The following TRPC4 variants were observed in gnomAD, a reference collection of about 807,000 sequenced individuals.
TRPC4 encodes transient receptor potential cation channel subfamily C member 4, also known as short transient receptor potential channel 4.
TRPC4 carries 49 observed loss-of-function variants against 99.4 expected under a neutral mutation model. The ratio of observed to expected loss-of-function variants is 0.49; its 90% CI spans 0.39 to 0.63. The LOEUF (loss-of-function observed/expected upper bound fraction) is 0.63. Among genes scored for constraint, TRPC4 ranks in the 20% least tolerant of loss-of-function variants. The probability of loss-of-function intolerance (pLI) is 0.00; values close to 1 mark genes in which losing one functional copy is unlikely to be tolerated. For missense variants in TRPC4, 898 were observed against 1,152.9 expected, an observed-to-expected ratio of 0.78 and a Z score of 3.20; for synonymous variants, 454 against 425.9, an observed-to-expected ratio of 1.07 and a Z score of -0.81.
Position 37,786,272 on chromosome 13 carries a change from ACACT to A in TRPC4, c.-27-2916_-27-2913del, listed in dbSNP as rs144516566. 4.8e-3 allele frequency among the ~76,000 whole-genome samples: 723 copies of A among 149,342 alleles called. 4 individuals are homozygous for A. The highest frequency in any genetic ancestry group is 0.013 in the African/African-American group (524 of 40,286). ...TAAATATTTACAATGGAATCTAAAAACACTCACAGGGAGAAAGACACACACACAC... is the reference window on the plus strand; with the variant it reads ...TAAATATTTACAATGGAATCTAAAAACACAGGGAGAAAGACACACACACAC... On this transcript the variant is annotated intron_variant, in intron 1 of 10. Transcript: ENST00000379705.
At chr13:37,701,781 G>A (rs988929047) in intron 3 of TRPC4, among the ~76,000 whole-genome samples, 5 of 152,118 alleles carry the variant, frequency 3.3e-5, no homozygotes, top group African/African-American at 9.7e-5. Context: ...GGACTTCACT[G>A]ATTATTTTCT....
chr13:37,834,385 A>C (rs1958504146), intron 1 of TRPC4, among the ~76,000 whole-genome samples: 1 of 152,222 alleles, frequency 6.6e-6, no homozygotes, highest in Non-Finnish European at 1.5e-5. Flanking sequence ...GTTCCTACTT[A>C]ATACATTAAA....
At chr13:37,691,326 G>A (rs986688829) in intron 4 of TRPC4, among the ~76,000 whole-genome samples, 3 of 152,044 alleles carry the variant, frequency 2.0e-5, no homozygotes, top group Admixed American at 6.5e-5. Context: ...GGATGGCTAC[G>A]ATCTCCTGAC....
intron 1 of TRPC4, among the ~76,000 whole-genome samples, chr13:37,797,524 GTA>G (rs1957290222): frequency 6.6e-6 from 1 of 152,046 alleles, no homozygotes; most frequent in South Asian, 2.1e-4. Flanking sequence ...AGCGAAAAAA[GTA>G]GAAGATATAA....
At chr13:37,812,197 C>CAAAAAAAAAAAAAAAAAAAAAAA (rs1156963631) in intron 1 of TRPC4, among the ~76,000 whole-genome samples, 24 of 111,224 alleles carry the variant, frequency 2.2e-4, no homozygotes, top group African/African-American at 5.3e-4. Context: ...AAAAAAAAAC[C>CAAAAAAAAAAAAAAAAAAAAAAA]AGGAGATCTA....
chr13:37,807,211 T>C (rs963594523), intron 1 of TRPC4, among the ~76,000 whole-genome samples: 2 of 152,014 alleles, frequency 1.3e-5, no homozygotes, highest in African/African-American at 4.8e-5. Context: ...TATGATATAA[T>C]AGTTCTTACC....
At chr13:37,859,981 G>A (rs1213235560) in intron 1 of TRPC4, among the ~76,000 whole-genome samples, 4 of 148,722 alleles carry the variant, frequency 2.7e-5, no homozygotes, top group East Asian at 2.0e-4. Flanking sequence ...ACCATCCTCC[G>A]ATGTATTTCA....
At chr13:37,781,846 A>T (rs1324712909) in intron 2 of TRPC4, among the ~76,000 whole-genome samples, 1 of 152,064 alleles carries the variant, frequency 6.6e-6, no homozygotes, top group Non-Finnish European at 1.5e-5. Context: ...AGGGACACTC[A>T]GCTATAAAGT....
At position 37,751,281 on chromosome 13, in the gene TRPC4, G is replaced by A. The variant is rs946573792; in HGVS notation, c.379-4826C>T. ...CATCAGCTCTGCATCAGGGTCTAAC[G>A]GCTTCCGCTTCCCAATCCTGCTTCT... On this transcript the variant is annotated intron_variant, in intron 2 of 10. Transcript: ENST00000379705. Among the ~76,000 whole-genome samples, 3 of 151,962 alleles carry A rather than the reference G, an allele frequency of 2.0e-5. No individual in the cohort carries two copies. In the South Asian group the frequency reaches 6.2e-4, roughly 32 times the overall value.
chr13:37,697,270 G>A (rs1953935984), intron 3 of TRPC4, among the ~76,000 whole-genome samples: 1 of 152,032 alleles, frequency 6.6e-6, no homozygotes, highest in African/African-American at 2.4e-5. Context: ...AAAATACATT[G>A]GGACTAATTA....
intron 1 of TRPC4, among the ~76,000 whole-genome samples, chr13:37,834,894 C>T (rs1256111498): frequency 1.3e-5 from 2 of 152,080 alleles, no homozygotes. Flanking sequence ...GCCACCATGC[C>T]TGGCTAACTT....
rs576965832 is a variant in TRPC4 at position 37,806,469 on chromosome 13, T to C, written c.-27-23109A>G. ...TTAGCTAAAATGCATTTGCTGTTGT[T>C]GATGTTACTATTTCCCAAGGACCTT... is the stretch of plus-strand genomic sequence containing the variant. On this transcript the variant is annotated intron_variant, in intron 1 of 10. Transcript: ENST00000379705. Among the ~76,000 whole-genome samples, 4 of 152,236 alleles carry C rather than the reference T, an allele frequency of 2.6e-5. No homozygotes were observed. In the South Asian group the frequency reaches 8.3e-4, roughly 32 times the overall value.
At position 37,674,366 on chromosome 13, in the gene TRPC4, G is replaced by T; in HGVS notation, c.1236C>A (p.Gly412=). ...TCTGTTTAATTTCTCCCCATATGAA[G>T]CCTGCAATTATAGAAAGATTCATTG... is the stretch of plus-strand genomic sequence containing the variant. ...VEWMILPWVL[G]FIWGEIKQMW... The change falls in exon 5 of 11, where the codon GGC becomes GGA. Residue 412 remains glycine (G), a splice_region_variant and synonymous_variant. Coordinates refer to ENST00000379705, the MANE Select transcript of TRPC4 (RefSeq NM_016179.4). 6.3e-7 allele frequency: 1 copy of T among 1,596,444 alleles called. No individual in the cohort carries two copies. Among genetic ancestry groups the T allele is most frequent in the Non-Finnish European group, 8.5e-7 (1 of 1,174,864 alleles).
chr13:37,851,585 G>T (rs1208540084), intron 1 of TRPC4, among the ~76,000 whole-genome samples: 1 of 152,146 alleles, frequency 6.6e-6, no homozygotes, highest in Non-Finnish European at 1.5e-5. Flanking sequence ...GGTGGAGTAA[G>T]GTGATGGAAT....
At chr13:37,730,414 A>C (rs192990080) in intron 3 of TRPC4, among the ~76,000 whole-genome samples, 39 of 152,136 alleles carry the variant, frequency 2.6e-4, no homozygotes, top group African/African-American at 9.4e-4. Context: ...CACTTCCCTC[A>C]TGAATTCCTA....
intron 2 of TRPC4, among the ~76,000 whole-genome samples, chr13:37,778,891 C>T (rs1168756321): frequency 6.6e-6 from 1 of 152,050 alleles, no homozygotes; most frequent in African/African-American, 2.4e-5. Context: ...AGGTTCTCTA[C>T]AACCTGCAAC....
intron 1 of TRPC4, among the ~76,000 whole-genome samples, chr13:37,856,531 A>G (rs1959175882): frequency 2.0e-5 from 3 of 151,724 alleles, no homozygotes; most frequent in African/African-American, 7.3e-5. Context: ...TCATTCTACA[A>G]GGCTAGTATT....
rs543050831 is a variant in TRPC4 at position 37,691,857 on chromosome 13, G to T, written c.1234+142C>A. 434 of 767,910 alleles carry T rather than the reference G, an allele frequency of 5.7e-4. 7 individuals carry two copies. In the South Asian group the frequency reaches 0.01, roughly 18 times the overall value. 47.6% of individuals were successfully genotyped at this position (767,910 alleles called of 1,614,324 possible). A position where few individuals can be genotyped will look rare whatever the true frequency, so the allele number is the denominator to read the frequency against. ...GCTTGTAAAATAGTTGTTTGGCTTT[G>T]GGGGTGAGGTTCTTGGAGCTACAAT... On this transcript the variant is annotated intron_variant, in intron 4 of 10. Coordinates refer to ENST00000379705, the MANE Select transcript of TRPC4 (RefSeq NM_016179.4).
At chr13:37,820,076 T>A (rs973870437) in intron 1 of TRPC4, among the ~76,000 whole-genome samples, 21 of 150,850 alleles carry the variant, frequency 1.4e-4, no homozygotes, top group Non-Finnish European at 2.4e-4. Context: ...AGAGAGAAGA[T>A]CCAAATAAAC....
Sources: gnomAD v4.1 joint callset for allele counts (sites outside exome capture counted in the v4.1 genomes callset) on GRCh38, gnomAD v4.1.1 for gene constraint, MANE v1.5 for transcripts, NCBI Gene and HGNC (gene_info 2026-07-23, HGNC 2026-07-21) for gene names.